DNAJC6: variants seen among roughly 807,000 people sequenced by gnomAD.
The protein encoded by DNAJC6 is auxilin.
Under a neutral mutation model 110.0 loss-of-function variants are expected in DNAJC6, and 34 were observed. The ratio of observed to expected loss-of-function variants is 0.31; its 90% CI spans 0.24 to 0.41. The LOEUF (loss-of-function observed/expected upper bound fraction) is 0.41. Among genes scored for constraint, DNAJC6 ranks in the 10% least tolerant of loss-of-function variants. DNAJC6 has a pLI of 1.00. For synonymous variants in DNAJC6, 406 were observed against 437.2 expected (o/e 0.93, Z 0.89); for missense variants, 1,031 against 1,207.8 (o/e 0.85, Z 2.17).
chr1:65,284,777 C>T (rs1653960875), intron 1 of DNAJC6, among the ~76,000 whole-genome samples: 1 of 151,954 alleles, frequency 6.6e-6, no homozygotes, highest in Admixed American at 6.6e-5. Flanking sequence ...CAACCTCTGC[C>T]TCCCAGGTTC....
intron 1 of DNAJC6, among the ~76,000 whole-genome samples, chr1:65,336,319 C>T (rs1245180510): frequency 6.6e-6 from 1 of 152,066 alleles, no homozygotes; most frequent in African/African-American, 2.4e-5. Flanking sequence ...GGTAACTGCC[C>T]CCATGATTCA....
Position 65,414,511 on chromosome 1 carries a change from TAAC to T in DNAJC6, c.*1487_*1489del, listed in dbSNP as rs1179832431. On this transcript the variant is annotated 3_prime_UTR_variant, in exon 19 of 19. Coordinates refer to ENST00000371069, the MANE Select transcript of DNAJC6 (RefSeq NM_001256864.2). ...AGACAATCATTTTTTGTTTTTGTTT[TAAC>T]TTTCTTGTGGCAAGCTATACCGGAA... is the stretch of plus-strand genomic sequence containing the variant. 13 of 152,682 alleles carry T rather than the reference TAAC, an allele frequency of 8.5e-5. No homozygotes were observed. The highest frequency in any genetic ancestry group is 1.3e-4 in the Non-Finnish European group (9 of 68,050). 9.5% of individuals were successfully genotyped at this position (152,682 alleles called of 1,614,324 possible). A position where few individuals can be genotyped will look rare whatever the true frequency, so the allele number is the denominator to read the frequency against.
intron 1 of DNAJC6, among the ~76,000 whole-genome samples, chr1:65,346,571 T>C (rs1428768893): frequency 6.6e-6 from 1 of 152,092 alleles, no homozygotes; most frequent in Non-Finnish European, 1.5e-5. Flanking sequence ...TTCCAGTATG[T>C]ATTATAGTTG....
chr1:65,283,201 C>T (rs12120149), intron 1 of DNAJC6, among the ~76,000 whole-genome samples: 1 of 152,178 alleles, frequency 6.6e-6, no homozygotes, highest in Non-Finnish European at 1.5e-5. Context: ...TAGCTCTATG[C>T]TATGTACTAT....
At chr1:65,290,092 G>A (rs2101223175) in intron 1 of DNAJC6, among the ~76,000 whole-genome samples, 1 of 152,330 alleles carries the variant, frequency 6.6e-6, no homozygotes, top group Non-Finnish European at 1.5e-5. Context: ...TTACTGGTAT[G>A]AGCCACTGCC....
chr1:65,381,236 A>G (rs1645819351), intron 5 of DNAJC6, among the ~76,000 whole-genome samples: 1 of 151,818 alleles, frequency 6.6e-6, no homozygotes, highest in African/African-American at 2.4e-5. Context: ...TTAATATACT[A>G]CTGGTTATTA....
chr1:65,408,585 T>C, intron 16 of DNAJC6, 56 bp from the exon 17 acceptor site: 1 of 1,566,110 alleles, frequency 6.4e-7, no homozygotes, highest in Non-Finnish European at 8.7e-7. Flanking sequence ...GAGATAATGA[T>C]ACAGCATTAT....
At position 65,405,957 on chromosome 1, in the gene DNAJC6, C is replaced by A. The variant is rs773725244; in HGVS notation, c.2315C>A (p.Pro772His). Residue 772 changes from proline to histidine, a missense_variant, in exon 16 of 19, where the codon CCC (proline) becomes CAC (histidine). By Grantham distance (77) the Pro-to-His change is moderately conservative (BLOSUM62 -2). Coordinates refer to ENST00000371069, the MANE Select transcript of DNAJC6 (RefSeq NM_001256864.2). ...CTCAGCTCGCCACAGAAGGCGTCTC[C>A]CCAGCCTATGGGTGGCGGGTGGCAG... Reference protein sequence around the residue: ...PPLSSPQKASPQPMGGGWQQG... With the variant: ...PPLSSPQKASHQPMGGGWQQG... 1.4e-5 allele frequency: 22 copies of A among 1,614,216 alleles called. No individual in the cohort carries two copies. In the South Asian group the frequency reaches 2.2e-4, roughly 16 times the overall value.
At chr1:65,399,398 C>G (rs975424311) in intron 14 of DNAJC6, among the ~76,000 whole-genome samples, 18 of 152,156 alleles carry the variant, frequency 1.2e-4, no homozygotes, top group African/African-American at 3.6e-4. Flanking sequence ...ACCACTATGG[C>G]ATTTATGGAG....
In DNAJC6 at chr1:65,302,767, C is replaced by T. The variant is rs1443416110; in HGVS notation, c.-131+37835C>T. Among the ~76,000 whole-genome samples the T allele has an allele frequency of 2.6e-5, 4 of 151,404 alleles. No homozygotes were observed. In the South Asian group the frequency reaches 6.3e-4, roughly 24 times the overall value. ...AGCCAGGATGGTCTCGATCTCCTGACCTCATGATCCACCCGCCTCGGCCTC... is the reference window on the plus strand; with the variant it reads ...AGCCAGGATGGTCTCGATCTCCTGATCTCATGATCCACCCGCCTCGGCCTC... On this transcript the variant is annotated intron_variant, in intron 1 of 19. Transcript: ENST00000263441.
chr1:65,306,980 CT>C (rs1645046505), upstream of DNAJC6, among the ~76,000 whole-genome samples: 2 of 35,578 alleles, frequency 5.6e-5, no homozygotes, highest in Admixed American at 3.2e-4. Context: ...GTTTCTCTCT[CT>C]CTCTCTCTCT....
chr1:65,310,073 A>G, intron 1 of DNAJC6, 135 bp downstream of exon 1: 5 of 1,020,142 alleles, frequency 4.9e-6, no homozygotes, highest in Non-Finnish European at 5.3e-6. Flanking sequence ...GAAGGCTTCT[A>G]ATACCACCTG....
intron 17 of DNAJC6, 101 bp downstream of exon 17, chr1:65,408,884 T>C: frequency 7.3e-7 from 1 of 1,378,220 alleles, no homozygotes; most frequent in South Asian, 1.8e-5. Context: ...CCTATTGTCT[T>C]AGCCCATTCA....
At chr1:65,387,239 G>A (rs1009219373) in intron 8 of DNAJC6, among the ~76,000 whole-genome samples, 1 of 152,132 alleles carries the variant, frequency 6.6e-6, no homozygotes, top group African/African-American at 2.4e-5. Flanking sequence ...ATCAGTGTAA[G>A]GGAAGAGATT....
Position 65,284,742 on chromosome 1 carries a change from G to A in DNAJC6, c.-131+19810G>A, listed in dbSNP as rs138722629. 6.9e-3 allele frequency among the ~76,000 whole-genome samples: 1,040 copies of A among 151,698 alleles called. 13 individuals are homozygous for A. The highest frequency in any genetic ancestry group is 0.024 in the African/African-American group (1,001 of 41,316). On this transcript the variant is annotated intron_variant, in intron 1 of 19. Coordinates refer to the DNAJC6 transcript ENST00000263441. ...TCACTTTTTTTGCCCAGGCTGGAGT[G>A]CAATGGTGCGATCTCGGCTCACTGC... is the stretch of plus-strand genomic sequence containing the variant.
At chr1:65,369,604 C>T (rs986075879) in intron 4 of DNAJC6, among the ~76,000 whole-genome samples, 2 of 152,182 alleles carry the variant, frequency 1.3e-5, no homozygotes, top group African/African-American at 4.8e-5. Flanking sequence ...TTTATAAACT[C>T]GTGGGAGTCT....
chr1:65,287,555 C>A (rs1416237462), intron 1 of DNAJC6, among the ~76,000 whole-genome samples: 1 of 152,132 alleles, frequency 6.6e-6, no homozygotes, highest in African/African-American at 2.4e-5. Flanking sequence ...GAATGAAGAA[C>A]AATCACTCCC....
intron 4 of DNAJC6, among the ~76,000 whole-genome samples, chr1:65,377,215 T>A (rs1259205532): frequency 6.6e-6 from 1 of 152,236 alleles, no homozygotes; most frequent in Non-Finnish European, 1.5e-5. Context: ...ATCTTGAACC[T>A]GGGTTTTAAA....
At chr1:65,304,735 GGTTT>G (rs1645021516), upstream of DNAJC6, among the ~76,000 whole-genome samples, 3 of 151,778 alleles carry the variant, frequency 2.0e-5, no homozygotes, top group Non-Finnish European at 4.4e-5. Flanking sequence ...TTCTCCTTAA[GGTTT>G]TGCCACTACA....
Sources: gnomAD v4.1 joint callset for allele counts (sites outside exome capture counted in the v4.1 genomes callset) on GRCh38, gnomAD v4.1.1 for gene constraint, MANE v1.5 for transcripts, NCBI Gene and HGNC (gene_info 2026-07-23, HGNC 2026-07-21) for gene names.